Variants in PTCH1 observed in about 807,000 individuals in gnomAD.
The protein encoded by PTCH1 is patched 1.
PTCH1 carries 14 observed loss-of-function variants against 144.6 expected under a neutral mutation model. That is an observed-to-expected ratio of 0.10 (90% CI 0.06 to 0.15). The LOEUF is 0.15. Ranked by LOEUF, PTCH1 falls within the 10% of genes least tolerant of loss-of-function variation. PTCH1 has a pLI of 1.00. For synonymous variants in PTCH1, 833 were observed against 793.6 expected (o/e 1.05, Z -0.83); for missense variants, 1,623 against 1,948.3 (o/e 0.83, Z 3.14).
At position 95,485,978 on chromosome 9, in the gene PTCH1, T is replaced by A. The variant is rs1841938578; in HGVS notation, c.395-104A>T. ...CATAGGATACACAATAGATGAACTC[T>A]AGTCATGAGACTGGCTGATGTGTGA... On this transcript the variant is annotated intron_variant, in intron 2 of 23. Coordinates refer to ENST00000331920, the MANE Select transcript of PTCH1 (RefSeq NM_000264.5). 5 of 1,262,198 alleles carry A rather than the reference T, an allele frequency of 4.0e-6. No homozygotes were observed. In the South Asian group the frequency reaches 6.1e-5, roughly 15 times the overall value. The allele number at this position is 1,262,198 out of a possible 1,614,324, so 78.2% of individuals were successfully genotyped here. A position where few individuals can be genotyped will look rare whatever the true frequency, so the allele number is the denominator to read the frequency against.
At chr9:95,453,755 T>A in intron 19 of PTCH1, 135 bp from the exon 20 acceptor site, 2 of 1,166,006 alleles carry the variant, frequency 1.7e-6, no homozygotes, top group Non-Finnish European at 2.5e-6. Context: ...GTAATCAGAG[T>A]AGCTCAACTA....
In PTCH1 at chr9:95,449,629, C is replaced by G; in HGVS notation, c.3549+212G>C. 1 of 653,004 alleles carries G rather than the reference C, an allele frequency of 1.5e-6. No homozygotes were observed. The highest frequency in any genetic ancestry group is 2.7e-5 in the Admixed American group (1 of 36,898). 40.5% of individuals were successfully genotyped at this position (653,004 alleles called of 1,614,324 possible). A position where few individuals can be genotyped will look rare whatever the true frequency, so the allele number is the denominator to read the frequency against. On this transcript the variant is annotated intron_variant, in intron 21 of 23. Transcript: ENST00000331920. The surrounding 1 kb of genome is among the most constrained non-coding windows in gnomAD (Gnocchi z 5.3). ...TGTATAAAGATCTGTAAGACCCAGG[C>G]TGCCAATCAGTTGATTTAGAGGAAC...
At chr9:95,493,939 T>C (rs990969619) in intron 2 of PTCH1, among the ~76,000 whole-genome samples, 1 of 152,144 alleles carries the variant, frequency 6.6e-6, no homozygotes, top group Non-Finnish European at 1.5e-5. Context: ...TTTTTCCTTA[T>C]GAGATTGTGC....
chr9:95,496,738 T>C (rs1418511640), intron 2 of PTCH1, among the ~76,000 whole-genome samples: 2 of 152,320 alleles, frequency 1.3e-5, no homozygotes, highest in East Asian at 3.9e-4. Flanking sequence ...CATTTTTTAC[T>C]TATTACAACA....
chr9:95,456,400 G>A lies in PTCH1; in HGVS notation c.3182C>T (p.Ala1061Val), dbSNP rs1409913416. The change falls in exon 19 of 24, where the codon GCG (alanine) becomes GTG (valine). Residue 1061 changes from alanine to valine, a missense_variant. Ala to Val is a moderately conservative substitution (Grantham distance 64, BLOSUM62 0). This residue lies in a region of PTCH1 where 504 missense variants were observed against 679.3 expected (regional missense o/e 0.74). Coordinates refer to ENST00000331920, the MANE Select transcript of PTCH1 (RefSeq NM_000264.5). The stretch of plus-strand genomic sequence containing the variant: ...GCCGAACAGCTCGACCGTCATCAGC[G>A]CCAGGACCATCACCTGGAGCAGGGC... ...WTAGIIVMVLALMTVELFGMM... is the reference protein window; with the variant it reads ...WTAGIIVMVLVLMTVELFGMM... The A allele has an allele frequency of 4.3e-6, 7 of 1,613,838 alleles. No homozygotes were observed. In the African/African-American group the frequency reaches 5.3e-5, roughly 12 times the overall value.
chr9:95,474,336 T>C (rs1840851448), intron 12 of PTCH1, among the ~76,000 whole-genome samples: 1 of 152,018 alleles, frequency 6.6e-6, no homozygotes, highest in South Asian at 2.1e-4. Flanking sequence ...GAAATGAGAC[T>C]GGGGTACCAC....
chr9:95,453,336 G>T, intron 20 of PTCH1, 142 bp downstream of exon 20: 1 of 1,240,486 alleles, frequency 8.1e-7, no homozygotes, highest in Non-Finnish European at 1.2e-6. Context: ...TCACCATCTT[G>T]GCCAGGCTGG....
chr9:95,494,482 G>T (rs919942071), intron 2 of PTCH1: 65 of 974,518 alleles, frequency 6.7e-5, no homozygotes, highest in Non-Finnish European at 7.3e-5. Context: ...CTGACTTCCT[G>T]CAGAGCACAG....
chr9:95,502,616 G>A (rs1279588300), intron 2 of PTCH1, among the ~76,000 whole-genome samples: 9 of 152,074 alleles, frequency 5.9e-5, no homozygotes. Flanking sequence ...AACTCAAGCT[G>A]GTATCTTAAC....
At chr9:95,453,724 C>T in intron 19 of PTCH1, 104 bp from the exon 20 acceptor site, 2 of 1,483,460 alleles carry the variant, frequency 1.3e-6, no homozygotes, top group Middle Eastern at 3.4e-4. Context: ...TCACATCTTA[C>T]TGTTTTAGTT....
rs140051386 is a variant in PTCH1 at position 95,506,516 on chromosome 9, T to C, written c.285A>G (p.Gln95=). 3.7e-6 allele frequency: 6 copies of C among 1,613,758 alleles called. No homozygotes were observed. Among genetic ancestry groups the C allele is most frequent in the South Asian group, 2.2e-5 (2 of 91,002 alleles). The change falls in exon 2 of 24, where the codon CAA becomes CAG. Residue 95 remains glutamine (Q), a synonymous_variant. Coordinates refer to ENST00000331920, the MANE Select transcript of PTCH1 (RefSeq NM_000264.5). ...RLLFKLGCYI[Q]KNCGKFLVVG... ...CAACCAAGAACTTGCCGCAGTTTTT[T>C]TGAATGTAACAACCCAGTTTAAATA... is the stretch of plus-strand genomic sequence containing the variant.
At chr9:95,469,202 G>A (rs2118067886) in intron 13 of PTCH1, 49 bp from the exon 14 acceptor site, 1 of 1,610,276 alleles carries the variant, frequency 6.2e-7, no homozygotes, top group East Asian at 2.2e-5. Flanking sequence ...ACAGGGAAAT[G>A]GTGCTTTCAT....
intron 1 of PTCH1, among the ~76,000 whole-genome samples, chr9:95,516,047 C>T (rs1416614168): frequency 6.6e-6 from 1 of 152,058 alleles, no homozygotes; most frequent in Non-Finnish European, 1.5e-5. Flanking sequence ...CCAGCTCTGC[C>T]TCCGCTGGCG....
intron 2 of PTCH1, among the ~76,000 whole-genome samples, chr9:95,500,967 T>G (rs186626437): frequency 5.1e-4 from 77 of 152,360 alleles, no homozygotes; most frequent in Non-Finnish European, 4.7e-4. Flanking sequence ...TCACGGTGTT[T>G]TTCTTTGACA....
Position 95,508,980 on chromosome 9 carries a change from T to C in PTCH1, c.-619A>G, listed in dbSNP as rs551632920. ...CTCCCGCGGTGGCTGCTGCTGGCGGTGGCGGCTCCAGGAGCTGCTGCTCGG... is the reference window on the plus strand; with the variant it reads ...CTCCCGCGGTGGCTGCTGCTGGCGGCGGCGGCTCCAGGAGCTGCTGCTCGG... On this transcript the variant is annotated 5_prime_UTR_variant, in exon 1 of 24. Transcript: ENST00000331920. Among the ~76,000 whole-genome samples the C allele has an allele frequency of 6.7e-6, 1 of 150,294 alleles. No individual in the cohort carries two copies. Among genetic ancestry groups the C allele is most frequent in the African/African-American group, 2.4e-5 (1 of 40,926 alleles).
chr9:95,500,353 C>A (rs186241607), intron 2 of PTCH1, among the ~76,000 whole-genome samples: 1 of 152,206 alleles, frequency 6.6e-6, no homozygotes, highest in Non-Finnish European at 1.5e-5. Context: ...TCATTGGTGG[C>A]TTCTCATTTC....
intron 5 of PTCH1, 26 bp from the exon 6 acceptor site, chr9:95,480,614 C>A (rs1407246912): frequency 6.3e-7 from 1 of 1,599,660 alleles, no homozygotes; most frequent in Non-Finnish European, 8.6e-7. Context: ...GGAGACGAGA[C>A]CATGAAAAGA....
intron 3 of PTCH1, among the ~76,000 whole-genome samples, 164 bp downstream of exon 3, chr9:95,485,521 A>C (rs1841891503): frequency 6.6e-6 from 1 of 152,234 alleles, no homozygotes; most frequent in South Asian, 2.1e-4. Flanking sequence ...GAGAAACGAT[A>C]AATCAAGATG....
chr9:95,505,976 CCTTT>C (rs1201367565), intron 2 of PTCH1, among the ~76,000 whole-genome samples: 1 of 147,834 alleles, frequency 6.8e-6, no homozygotes, highest in Non-Finnish European at 1.5e-5. Flanking sequence ...CTCCCCGACT[CCTTT>C]TTCTTTGGAC....
Sources: gnomAD v4.1 joint callset for allele counts (sites outside exome capture counted in the v4.1 genomes callset) on GRCh38, gnomAD v4.1.1 for gene constraint, gnomAD v4.1.1 regional missense constraint, Gnocchi (gnomAD v3.1) non-coding constraint, MANE v1.5 for transcripts, NCBI Gene and HGNC (gene_info 2026-07-23, HGNC 2026-07-21) for gene names.